Variants in PITPNB observed in about 807,000 individuals in gnomAD.
The protein encoded by PITPNB is phosphatidylinositol transfer protein beta.
In PITPNB, 16 loss-of-function variants were observed where a neutral mutation model predicts 45.9. The ratio of observed to expected loss-of-function variants is 0.35; its 90% CI spans 0.24 to 0.53. The LOEUF (loss-of-function observed/expected upper bound fraction) is 0.53, where lower values mean the gene tolerates loss of function less well. PITPNB is among the 20% of genes least tolerant of loss of function. The probability of loss-of-function intolerance (pLI) is 0.93; values close to 1 mark genes in which losing one functional copy is unlikely to be tolerated. For missense variants in PITPNB, 188 were observed against 330.5 expected, an observed-to-expected ratio of 0.57 and a Z score of 3.34; for synonymous variants, 112 against 108.9, an observed-to-expected ratio of 1.03 and a Z score of -0.18.
At chr22:27,864,271 T>C (rs926271258) in intron 8 of PITPNB, among the ~76,000 whole-genome samples, 2 of 152,220 alleles carry the variant, frequency 1.3e-5, no homozygotes, top group Non-Finnish European at 2.9e-5. Flanking sequence ...TTATTTAAAG[T>C]ACTGATTAAG....
intron 7 of PITPNB, among the ~76,000 whole-genome samples, chr22:27,879,874 T>C (rs1238533870): frequency 6.6e-6 from 1 of 152,202 alleles, no homozygotes; most frequent in Non-Finnish European, 1.5e-5. Flanking sequence ...TGTTAGTCCA[T>C]GATTTGGCCT....
At chr22:27,916,734 C>T (rs989420581) in intron 1 of PITPNB, among the ~76,000 whole-genome samples, 2 of 151,810 alleles carry the variant, frequency 1.3e-5, no homozygotes, top group Non-Finnish European at 2.9e-5. Flanking sequence ...ACCTGGGAGG[C>T]GGAGGTTGCA....
At chr22:27,913,544 G>A (rs1569037275) in intron 2 of PITPNB, among the ~76,000 whole-genome samples, 1 of 152,190 alleles carries the variant, frequency 6.6e-6, no homozygotes, top group Non-Finnish European at 1.5e-5. Context: ...TATAACTGCA[G>A]GACATGCAAG....
At chr22:27,892,839 G>T (rs988735327) in intron 7 of PITPNB, among the ~76,000 whole-genome samples, 1 of 152,134 alleles carries the variant, frequency 6.6e-6, no homozygotes, top group African/African-American at 2.4e-5. Flanking sequence ...CCTTATCAGT[G>T]CTCACACTTC....
intron 7 of PITPNB, among the ~76,000 whole-genome samples, chr22:27,881,291 C>T (rs961836171): frequency 4.6e-5 from 7 of 152,168 alleles, no homozygotes; most frequent in African/African-American, 7.2e-5. Context: ...TACCACAAAA[C>T]GTGTATTTGA....
At chr22:27,878,407 G>C (rs1379709635) in intron 7 of PITPNB, among the ~76,000 whole-genome samples, 2 of 152,114 alleles carry the variant, frequency 1.3e-5, no homozygotes, top group Non-Finnish European at 2.9e-5. Context: ...TTTTGCAAAA[G>C]CAAATAACAG....
intron 3 of PITPNB, 60 bp from the exon 4 acceptor site, chr22:27,897,952 A>C: frequency 8.7e-7 from 1 of 1,148,166 alleles, no homozygotes; most frequent in South Asian, 1.2e-5. Context: ...CTTGGTATCT[A>C]TCCAACTGCT....
chr22:27,890,895 G>C (rs1177963829), intron 7 of PITPNB, among the ~76,000 whole-genome samples: 1 of 152,224 alleles, frequency 6.6e-6, no homozygotes, highest in Non-Finnish European at 1.5e-5. Flanking sequence ...TTCAGCCATA[G>C]AAAGGAATGA....
At chr22:27,876,944 C>T (rs1177004223) in intron 7 of PITPNB, among the ~76,000 whole-genome samples, 4 of 152,128 alleles carry the variant, frequency 2.6e-5, no homozygotes, top group African/African-American at 9.7e-5. Context: ...CAGCTGCAGA[C>T]TTCTCATCTC....
chr22:27,897,750 C>T (rs1176101424), intron 4 of PITPNB, 51 bp downstream of exon 4: 1 of 1,168,310 alleles, frequency 8.6e-7, no homozygotes, highest in Admixed American at 1.7e-5. Flanking sequence ...CTGGGAATCC[C>T]TCTCATTCTC....
At chr22:27,881,210 T>C (rs1934962121) in intron 7 of PITPNB, among the ~76,000 whole-genome samples, 1 of 152,220 alleles carries the variant, frequency 6.6e-6, no homozygotes, top group Non-Finnish European at 1.5e-5. Flanking sequence ...AACAGTCTGT[T>C]TCACAGTAAA....
At chr22:27,897,598 T>G (rs1041539464) in intron 4 of PITPNB, among the ~76,000 whole-genome samples, 1 of 152,104 alleles carries the variant, frequency 6.6e-6, no homozygotes, top group Admixed American at 6.5e-5. Context: ...GTGGCTGCCA[T>G]GTGGGAATGA....
chr22:27,871,540 G>A (rs1027800270), intron 8 of PITPNB, among the ~76,000 whole-genome samples: 1 of 152,156 alleles, frequency 6.6e-6, no homozygotes. Flanking sequence ...CTCTGGCATG[G>A]TGTCCTTGTT....
intron 4 of PITPNB, 129 bp from the exon 5 acceptor site, chr22:27,897,266 G>C: frequency 1.3e-6 from 1 of 750,752 alleles, no homozygotes; most frequent in Non-Finnish European, 2.4e-6. Flanking sequence ...CATTTATTTA[G>C]TAATTTATGT....
At chr22:27,881,713 G>A (rs1388457185) in intron 7 of PITPNB, among the ~76,000 whole-genome samples, 4 of 152,182 alleles carry the variant, frequency 2.6e-5, no homozygotes, top group East Asian at 3.8e-4. Flanking sequence ...TGGAACAAAT[G>A]TAACATCTAA....
At chr22:27,885,105 T>C (rs1935080162) in intron 7 of PITPNB, among the ~76,000 whole-genome samples, 1 of 151,116 alleles carries the variant, frequency 6.6e-6, no homozygotes, top group African/African-American at 2.4e-5. Context: ...GCTTACACTT[T>C]AAAGAGTCTT....
chr22:27,900,135 G>A (rs1382341548), intron 3 of PITPNB, among the ~76,000 whole-genome samples: 1 of 151,992 alleles, frequency 6.6e-6, no homozygotes, highest in Non-Finnish European at 1.5e-5. Context: ...GGGAGGTGGA[G>A]GGTGCAGTGA....
intron 8 of PITPNB, among the ~76,000 whole-genome samples, chr22:27,873,113 C>G (rs1444935976): frequency 6.6e-6 from 1 of 150,616 alleles, no homozygotes; most frequent in Admixed American, 6.6e-5. Flanking sequence ...ACTAAAAATA[C>G]AAAATTAGCC....
chr22:27,904,110 A>G (rs1935690606), intron 3 of PITPNB, among the ~76,000 whole-genome samples: 2 of 152,188 alleles, frequency 1.3e-5, no homozygotes, highest in Non-Finnish European at 1.5e-5. Context: ...TGACCCAGCC[A>G]ATTTCACTCA....
Sources: gnomAD v4.1 joint callset for allele counts (sites outside exome capture counted in the v4.1 genomes callset) on GRCh38, gnomAD v4.1.1 for gene constraint, MANE v1.5 for transcripts, NCBI Gene and HGNC (gene_info 2026-07-23, HGNC 2026-07-21) for gene names.